Variants in FBXL19 observed in about 807,000 individuals in gnomAD.
FBXL19 encodes the protein F-box/LRR-repeat protein 19.
In FBXL19, 16 loss-of-function variants were observed where a neutral mutation model predicts 71.2. The observed-to-expected ratio is 0.22, with a 90% CI of 0.15 to 0.34. FBXL19 has a LOEUF of 0.34. Ranked by LOEUF, FBXL19 falls within the 10% of genes least tolerant of loss-of-function variation. The pLI is 1.00. For synonymous variants in FBXL19, 447 were observed against 409.4 expected (o/e 1.09, Z -1.11); for missense variants, 658 against 968.2 (o/e 0.68, Z 4.25).
Position 30,925,738 on chromosome 16 carries a change from C to T in FBXL19, c.-17C>T, listed in dbSNP as rs985652523. The T allele has an allele frequency of 2.7e-6, 4 of 1,489,644 alleles. No homozygotes were observed. The highest frequency in any genetic ancestry group is 5.1e-5 in the Admixed American group (2 of 39,380). 92.3% of individuals were successfully genotyped at this position (1,489,644 alleles called of 1,614,324 possible). ...GCCACCATCCACCTACAGCCCTCGG[C>T]GTTGCTGACGCCCCCAATGTCGTCG... On this transcript the variant is annotated 5_prime_UTR_variant, in exon 2 of 11. Transcript: ENST00000338343. This position sits in a 1 kb window ranked among gnomAD's most constrained non-coding sequence, Gnocchi z 5.0.
intron 7 of FBXL19, among the ~76,000 whole-genome samples, chr16:30,935,843 A>G (rs1280976419): frequency 6.6e-6 from 1 of 152,076 alleles, no homozygotes; most frequent in Non-Finnish European, 1.5e-5. Flanking sequence ...TGAATGGGTT[A>G]GGGGACTTTG....
chr16:30,946,609 A>G lies in FBXL19; in HGVS notation c.1628-121A>G, dbSNP rs1292965101. The G allele has an allele frequency of 1.1e-6, 1 of 932,124 alleles. No individual in the cohort carries two copies. 57.7% of individuals were successfully genotyped at this position (932,124 alleles called of 1,614,324 possible). ...CATGAGGGTGTTTTTGAGAAGAGCA[A>G]GCCACAGAGTGCACCAGGTCACTCA... On this transcript the variant is annotated intron_variant, in intron 9 of 10. Coordinates refer to ENST00000338343, the MANE Select transcript of FBXL19 (RefSeq NM_001382779.1). The surrounding 1 kb of genome is among the most constrained non-coding windows in gnomAD (Gnocchi z 6.7).
intron 7 of FBXL19, among the ~76,000 whole-genome samples, chr16:30,937,775 G>C (rs2055755256): frequency 6.6e-6 from 1 of 152,136 alleles, no homozygotes; most frequent in Non-Finnish European, 1.5e-5. Flanking sequence ...CCTGGCTGTT[G>C]TGGAGTATGA....
rs1009473373 is a variant in FBXL19 at position 30,937,147 on chromosome 16, G to A, written c.1302-4969G>A. ...TGCATGGGACAGTGCCTGGCACACA[G>A]TGAACCCTGGATGATGGCTGGTTAG... On this transcript the variant is annotated intron_variant, in intron 7 of 10. Transcript: ENST00000338343. Among the ~76,000 whole-genome samples, 13 of 152,110 alleles carry A rather than the reference G, an allele frequency of 8.5e-5. 1 individual carries two copies. The highest frequency in any genetic ancestry group is 1.3e-4 in the Non-Finnish European group (9 of 68,042).
chr16:30,944,362 T>A (rs2055836052), intron 9 of FBXL19, among the ~76,000 whole-genome samples: 1 of 151,960 alleles, frequency 6.6e-6, no homozygotes, highest in Non-Finnish European at 1.5e-5. Flanking sequence ...CTCCTCCCTC[T>A]GAAAGGCTCC....
rs781364716 is a variant in FBXL19 at position 30,946,715 on chromosome 16, C to T, written c.1628-15C>T. 1.2e-6 allele frequency: 2 copies of T among 1,607,934 alleles called. No individual in the cohort carries two copies. Among genetic ancestry groups the T allele is most frequent in the Admixed American group, 3.4e-5 (2 of 59,518 alleles). On this transcript the variant is annotated splice_polypyrimidine_tract_variant and intron_variant, in intron 9 of 10. Coordinates refer to ENST00000338343, the MANE Select transcript of FBXL19 (RefSeq NM_001382779.1). The surrounding 1 kb of genome is among the most constrained non-coding windows in gnomAD (Gnocchi z 6.7). ...GGAGTGGCCAGGAGTGCTGACCTCT[C>T]ATCTGGCTGCCCAGGGCAAACAGAG...
chr16:30,940,885 G>T lies in FBXL19; in HGVS notation c.1302-1231G>T, dbSNP rs115076871. ...GTTTCACTAGTAGAACAGCCAGGCTGTTCTCGAATTCCTGACCTCATGATC... is the reference window on the plus strand; with the variant it reads ...GTTTCACTAGTAGAACAGCCAGGCTTTTCTCGAATTCCTGACCTCATGATC... On this transcript the variant is annotated intron_variant, in intron 7 of 10. Transcript: ENST00000338343. 2.2e-3 allele frequency among the ~76,000 whole-genome samples: 338 copies of T among 152,124 alleles called. 1 individual carries two copies. Among genetic ancestry groups the T allele is most frequent in the African/African-American group, 7.9e-3 (327 of 41,508 alleles).
At chr16:30,928,823 A>C (rs1468500184) in intron 6 of FBXL19, among the ~76,000 whole-genome samples, 195 bp downstream of exon 6, 2 of 152,164 alleles carry the variant, frequency 1.3e-5, no homozygotes, top group Non-Finnish European at 1.5e-5. Context: ...CTGACTTCCC[A>C]AAAACCCTTA....
At chr16:30,935,724 T>C (rs2143351628) in intron 7 of FBXL19, among the ~76,000 whole-genome samples, 1 of 152,218 alleles carries the variant, frequency 6.6e-6, no homozygotes, top group African/African-American at 2.4e-5. Flanking sequence ...TCCAGCTCCC[T>C]GTTCCCGGGG....
rs1208866629 is a variant in FBXL19 at position 30,927,734 on chromosome 16, G to C, written c.409-11G>C. 2 of 1,556,298 alleles carry C rather than the reference G, an allele frequency of 1.3e-6. No homozygotes were observed. Among genetic ancestry groups the C allele is most frequent in the Non-Finnish European group, 1.7e-6 (2 of 1,150,396 alleles). ...GTGCAGGTCCTCACCCCCAGCTTCT[G>C]TCCCGCCTAGGATTCAGGTGAGGGG... On this transcript the variant is annotated splice_polypyrimidine_tract_variant and intron_variant, in intron 4 of 10. Coordinates refer to ENST00000338343, the MANE Select transcript of FBXL19 (RefSeq NM_001382779.1).
chr16:30,928,955 C>T (rs2055637376), intron 6 of FBXL19, among the ~76,000 whole-genome samples: 2 of 152,202 alleles, frequency 1.3e-5, no homozygotes, highest in Non-Finnish European at 2.9e-5. Context: ...CACCCTGAGC[C>T]TTAGTTTCTT....
intron 9 of FBXL19, among the ~76,000 whole-genome samples, chr16:30,943,517 G>A (rs1324109446): frequency 6.6e-6 from 1 of 151,878 alleles, no homozygotes; most frequent in East Asian, 1.9e-4. Context: ...TGGGACTACA[G>A]GCGCCCGCCA....
At chr16:30,939,037 G>A (rs181963040) in intron 7 of FBXL19, among the ~76,000 whole-genome samples, 1 of 152,124 alleles carries the variant, frequency 6.6e-6, no homozygotes, top group East Asian at 1.9e-4. Flanking sequence ...ACCTGGCTAG[G>A]ATTTAATAAC....
chr16:30,927,681 G>T, intron 4 of FBXL19, 22 bp downstream of exon 4: 3 of 1,561,292 alleles, frequency 1.9e-6, no homozygotes, highest in Non-Finnish European at 2.6e-6. Flanking sequence ...GCTGGGCTGA[G>T]CTGTGGGTAG....
chr16:30,930,495 G>T lies in FBXL19; in HGVS notation c.1212G>T (p.Leu404=), dbSNP rs75794405. Reference sequence around the variant, plus strand: ...TGGCTGCTGGATCCGACCACCCCCTGCCCCGGGCCGCCTGGCTTCGCGTCT... The same window carrying T: ...TGGCTGCTGGATCCGACCACCCCCTTCCCCGGGCCGCCTGGCTTCGCGTCT... The part of the protein sequence containing the change: ...LPLAAGSDHP[L]PRAAWLRVFQ... Residue 404 remains leucine (L), a synonymous_variant, in exon 7 of 11, where the codon CTG becomes CTT. Coordinates refer to ENST00000338343, the MANE Select transcript of FBXL19 (RefSeq NM_001382779.1). This position sits in a 1 kb window ranked among gnomAD's most constrained non-coding sequence, Gnocchi z 8.5. The T allele has an allele frequency of 2.2e-4, 342 of 1,531,128 alleles. 1 individual carries two copies. In the East Asian group the frequency reaches 8.3e-3, roughly 37 times the overall value. The allele number at this position is 1,531,128 out of a possible 1,614,324, so 94.8% of individuals were successfully genotyped here. A position where few individuals can be genotyped will look rare whatever the true frequency, so the allele number is the denominator to read the frequency against.
chr16:30,942,643 G>A lies in FBXL19; in HGVS notation c.1627+107G>A. On this transcript the variant is annotated intron_variant, in intron 9 of 10. Transcript: ENST00000338343. The surrounding 1 kb of genome is among the most constrained non-coding windows in gnomAD (Gnocchi z 5.7). Reference sequence around the variant, plus strand: ...CTGGATGGTAAAGTATTTGAAGAAAGGAAAGAATACATGAGTTTGAATAGG... The same window carrying A: ...CTGGATGGTAAAGTATTTGAAGAAAAGAAAGAATACATGAGTTTGAATAGG... The A allele has an allele frequency of 7.0e-7, 1 of 1,429,714 alleles. No individual in the cohort carries two copies. The highest frequency in any genetic ancestry group is 1.4e-5 in the African/African-American group (1 of 69,756). 88.6% of individuals were successfully genotyped at this position (1,429,714 alleles called of 1,614,324 possible).
intron 7 of FBXL19, among the ~76,000 whole-genome samples, chr16:30,939,347 A>C (rs1011927500): frequency 6.6e-6 from 1 of 151,536 alleles, no homozygotes; most frequent in Non-Finnish European, 1.5e-5. Context: ...CTGGGATTAC[A>C]CCACACTTGG....
At chr16:30,940,920 C>T (rs1023487409) in intron 7 of FBXL19, among the ~76,000 whole-genome samples, 3 of 152,056 alleles carry the variant, frequency 2.0e-5, no homozygotes, top group Non-Finnish European at 4.4e-5. Context: ...CCACCCACCT[C>T]GGCCTCCCAA....
Position 30,930,429 on chromosome 16 carries a change from G to A in FBXL19, c.1146G>A (p.Val382=), listed in dbSNP as rs1466498847. The change falls in exon 7 of 11, where the codon GTG becomes GTA. Residue 382 remains valine, a synonymous_variant. Coordinates refer to ENST00000338343, the MANE Select transcript of FBXL19 (RefSeq NM_001382779.1). This position sits in a 1 kb window ranked among gnomAD's most constrained non-coding sequence, Gnocchi z 8.5. ...CTCCACAGCTGGAGCGGCACGTGGT[G>A]CGGCCCCCGCCTCGAAGCCCTGAGC... ...PRPPQLERHV[V]RPPPRSPEPD... The A allele has an allele frequency of 1.3e-6, 2 of 1,525,480 alleles. No individual in the cohort carries two copies. Among genetic ancestry groups the A allele is most frequent in the South Asian group, 1.2e-5 (1 of 82,514 alleles). 94.5% of individuals were successfully genotyped at this position (1,525,480 alleles called of 1,614,324 possible).
Sources: gnomAD v4.1 joint callset for allele counts (sites outside exome capture counted in the v4.1 genomes callset) on GRCh38, gnomAD v4.1.1 for gene constraint, Gnocchi (gnomAD v3.1) non-coding constraint, MANE v1.5 for transcripts, NCBI Gene and HGNC (gene_info 2026-07-23, HGNC 2026-07-21) for gene names.